Variants in COL6A2 observed in about 807,000 individuals in gnomAD.
The protein encoded by COL6A2 is collagen type VI alpha 2 chain.
In COL6A2, 90 loss-of-function variants were observed where a neutral mutation model predicts 124.9. That is an observed-to-expected ratio of 0.72 (90% CI 0.61 to 0.86). COL6A2 has a LOEUF of 0.86. Among genes scored for constraint, COL6A2 ranks in the 40% least tolerant of loss-of-function variants. The pLI is 0.00. For synonymous variants in COL6A2, 793 were observed against 618.2 expected (o/e 1.28, Z -4.19); for missense variants, 1,607 against 1,502.5 (o/e 1.07, Z -1.15).
chr21:46,127,039 T>C (rs1285366313), intron 27 of COL6A2, among the ~76,000 whole-genome samples: 1 of 152,198 alleles, frequency 6.6e-6, no homozygotes, highest in East Asian at 1.9e-4. Context: ...GGGGAGCCCA[T>C]GTCCCGGATG....
chr21:46,121,629 C>T lies in COL6A2; in HGVS notation c.1521+11C>T. The T allele has an allele frequency of 1.2e-6, 2 of 1,612,580 alleles. No homozygotes were observed. The highest frequency in any genetic ancestry group is 2.2e-5 in the South Asian group (2 of 91,084). The stretch of plus-strand genomic sequence containing the variant: ...CAGCCAGGCCCCAAGGTACGTGCCC[C>T]TCCCCCAGCAGGACGTATTAGGGGT... On this transcript the variant is annotated intron_variant, in intron 18 of 27. Transcript: ENST00000300527.
At chr21:46,127,243 G>A (rs2078685610) in intron 27 of COL6A2, among the ~76,000 whole-genome samples, 1 of 152,128 alleles carries the variant, frequency 6.6e-6, no homozygotes, top group Non-Finnish European at 1.5e-5. Flanking sequence ...AGACAGGGTG[G>A]GAGGGTCCGA....
In COL6A2 at chr21:46,132,383, T is replaced by C. The variant is rs1427750922; in HGVS notation, c.2891T>C (p.Met964Thr). The stretch of plus-strand genomic sequence containing the variant: ...AGTCTGCACGAGTCGGCGCACTCCA[T>C]GCGCAAGCAGAACGTGGTACCCACC... ...NDSLHESAHS[M>T]RKQNVVPTVL... The change falls in exon 28 of 28, where the codon ATG (methionine) becomes ACG (threonine). Residue 964 changes from methionine (M) to threonine (T), a missense_variant. This residue lies in a region of COL6A2 where 1,223 missense variants were observed against 1,052.2 expected (regional missense o/e 1.16). Transcript: ENST00000300527. 5.6e-6 allele frequency: 9 copies of C among 1,609,356 alleles called. No individual in the cohort carries two copies. Among genetic ancestry groups the C allele is most frequent in the African/African-American group, 2.7e-5 (2 of 74,902 alleles).
At chr21:46,119,189 G>T (rs1347743795) in intron 14 of COL6A2, 70 bp downstream of exon 14, 9 of 1,202,854 alleles carry the variant, frequency 7.5e-6, no homozygotes, top group African/African-American at 3.0e-5. Flanking sequence ...GGAGGACCAT[G>T]GGGGAAGGGC....
In COL6A2 at chr21:46,116,500, C is replaced by T. The variant is rs1008143735; in HGVS notation, c.927+97C>T. 82 of 1,581,920 alleles carry T rather than the reference C, an allele frequency of 5.2e-5. No homozygotes were observed. Among genetic ancestry groups the T allele is most frequent in the Non-Finnish European group, 6.8e-5 (79 of 1,155,592 alleles). On this transcript the variant is annotated intron_variant, in intron 8 of 27. Coordinates refer to ENST00000300527, the MANE Select transcript of COL6A2 (RefSeq NM_001849.4). This position sits in a 1 kb window ranked among gnomAD's most constrained non-coding sequence, Gnocchi z 4.6. The stretch of plus-strand genomic sequence containing the variant: ...GCAGCCTGTCACTGCTCCTGGGGCA[C>T]CGGCCTGGTCTTTTCTCAGTGGTGG...
rs1162726888 is a variant in COL6A2 at position 46,116,298 on chromosome 21, C to T, written c.901-79C>T. ...CCAGCGGCCCACCGAGCACTCCCCT[C>T]AGCCTGCAGGGCTGGCCCTTCCCTG... On this transcript the variant is annotated intron_variant, in intron 7 of 27. Transcript: ENST00000300527. This position sits in a 1 kb window ranked among gnomAD's most constrained non-coding sequence, Gnocchi z 4.6. 3.8e-5 allele frequency: 59 copies of T among 1,532,896 alleles called. No individual in the cohort carries two copies. The highest frequency in any genetic ancestry group is 5.3e-5 in the Non-Finnish European group (59 of 1,114,232). The allele number at this position is 1,532,896 out of a possible 1,614,324, so 95.0% of individuals were successfully genotyped here.
At position 46,129,496 on chromosome 21, in the gene COL6A2, C is replaced by T. The variant is rs76978157; in HGVS notation, c.2462-2458C>T. 22,465 of 1,561,784 alleles carry T rather than the reference C, an allele frequency of 0.014. 233 individuals carry two copies. Among genetic ancestry groups the T allele is most frequent in the Middle Eastern group, 0.031 (176 of 5,742 alleles). On this transcript the variant is annotated intron_variant, in intron 27 of 27. Transcript: ENST00000300527. Reference sequence around the variant, plus strand: ...ACCGCGCTGGCCCTCTGCTAAAGCCCGGGCACCCGCCCAGCCGGGCTGGGC... The same window carrying T: ...ACCGCGCTGGCCCTCTGCTAAAGCCTGGGCACCCGCCCAGCCGGGCTGGGC...
intron 27 of COL6A2, among the ~76,000 whole-genome samples, chr21:46,130,698 C>T (rs948364678): frequency 5.7e-4 from 87 of 152,312 alleles, no homozygotes; most frequent in African/African-American, 1.9e-3. Flanking sequence ...TGTCTGTCTC[C>T]ATATGTTTGG....
intron 14 of COL6A2, among the ~76,000 whole-genome samples, 165 bp from the exon 15 acceptor site, chr21:46,119,623 G>A (rs975568451): frequency 3.3e-5 from 5 of 152,178 alleles, no homozygotes; most frequent in Admixed American, 6.5e-5. Context: ...AGCCACTGGC[G>A]CAGGCTGAGG....
chr21:46,129,855 G>A (rs2078737818), intron 27 of COL6A2: 2 of 1,054,962 alleles, frequency 1.9e-6, no homozygotes, highest in Non-Finnish European at 1.1e-6. Flanking sequence ...CAGGCTCCAG[G>A]GTTTGGGTGT....
Position 46,125,271 on chromosome 21 carries a change from T to TGACGTCATGACCTACGTGAGG in COL6A2, c.1779_1799dup (p.Asp593_Arg599dup), listed in dbSNP as rs1568939155. On this transcript the variant is annotated inframe_insertion, in exon 24 of 28. Coordinates refer to ENST00000300527, the MANE Select transcript of COL6A2 (RefSeq NM_001849.4). ...GCCTGCCGTGTGCATTGCAGGAGTG[T>TGACGTCATGACCTACGTGAGG]GACGTCATGACCTACGTGAGGGAGA... 1 of 1,612,170 alleles carries TGACGTCATGACCTACGTGAGG rather than the reference T, an allele frequency of 6.2e-7. No individual in the cohort carries two copies. Among genetic ancestry groups the TGACGTCATGACCTACGTGAGG allele is most frequent in the Non-Finnish European group, 8.5e-7 (1 of 1,179,610 alleles).
rs528949347 is a variant in COL6A2, at chr21:46,126,491, CCTCTCTT to C, written c.2423-10_2423-4del. The C allele has an allele frequency of 6.2e-7, 1 of 1,612,768 alleles. No individual in the cohort carries two copies. Among genetic ancestry groups the C allele is most frequent in the Non-Finnish European group, 8.5e-7 (1 of 1,179,664 alleles). On this transcript the variant is annotated splice_region_variant and splice_polypyrimidine_tract_variant and intron_variant, in intron 26 of 27. Coordinates refer to ENST00000300527, the MANE Select transcript of COL6A2 (RefSeq NM_001849.4). ...GACCCTGGCCTGGCCCGGCCTCTCT[CCTCTCTT>C]CCAGACCCTCAGATCGTGTGCCCAG...
intron 1 of COL6A2, among the ~76,000 whole-genome samples, chr21:46,109,356 T>C (rs937861085): frequency 6.6e-6 from 1 of 152,128 alleles, no homozygotes; most frequent in Non-Finnish European, 1.5e-5. Flanking sequence ...AGAGGGGAAG[T>C]GCATGCTGAT....
At chr21:46,106,178 TATA>T (rs2015197016) in intron 1 of COL6A2, among the ~76,000 whole-genome samples, 2 of 152,212 alleles carry the variant, frequency 1.3e-5, no homozygotes, top group South Asian at 2.1e-4. Flanking sequence ...TACAGCAAGA[TATA>T]ATAATTATAA....
intron 25 of COL6A2, 53 bp downstream of exon 25, chr21:46,125,670 G>A: frequency 6.3e-7 from 1 of 1,591,974 alleles, no homozygotes; most frequent in Middle Eastern, 1.7e-4. Context: ...CGGGGCGTGG[G>A]AGGCGATGAG....
In COL6A2 at chr21:46,116,475, G is replaced by A. The variant is rs184095681; in HGVS notation, c.927+72G>A. 7.4e-5 allele frequency: 118 copies of A among 1,596,378 alleles called. No individual in the cohort carries two copies. The South Asian group carries it at 9.1e-4, about 12-fold the overall frequency. The stretch of plus-strand genomic sequence containing the variant: ...CCAGACCCACCTCTTGGCGTCCGCC[G>A]CAGCCTGTCACTGCTCCTGGGGCAC... On this transcript the variant is annotated intron_variant, in intron 8 of 27. Coordinates refer to ENST00000300527, the MANE Select transcript of COL6A2 (RefSeq NM_001849.4). The surrounding 1 kb of genome is among the most constrained non-coding windows in gnomAD (Gnocchi z 4.6).
At chr21:46,128,984 A>G in intron 27 of COL6A2, 2 of 1,607,800 alleles carry the variant, frequency 1.2e-6, no homozygotes, top group South Asian at 1.1e-5. Flanking sequence ...CGGGTCTCCT[A>G]GCTCCCTGCC....
intron 22 of COL6A2, 75 bp from the exon 23 acceptor site, chr21:46,124,810 G>A: frequency 1.9e-6 from 3 of 1,602,418 alleles, no homozygotes; most frequent in Non-Finnish European, 1.7e-6. Flanking sequence ...CCACGTATCA[G>A]TGGGCAGTGG....
chr21:46,109,404 C>A (rs1448341578), intron 1 of COL6A2, among the ~76,000 whole-genome samples: 1 of 152,198 alleles, frequency 6.6e-6, no homozygotes, highest in Non-Finnish European at 1.5e-5. Context: ...CAGAAGAAAG[C>A]ACCTTGAGTT....
Sources: gnomAD v4.1 joint callset for allele counts (sites outside exome capture counted in the v4.1 genomes callset) on GRCh38, gnomAD v4.1.1 for gene constraint, gnomAD v4.1.1 regional missense constraint, Gnocchi (gnomAD v3.1) non-coding constraint, MANE v1.5 for transcripts, NCBI Gene and HGNC (gene_info 2026-07-23, HGNC 2026-07-21) for gene names.